Variants in RAB39A observed in about 807,000 individuals in gnomAD.
RAB39A encodes the protein ras-related protein Rab-39A.
A neutral mutation model predicts 20.9 loss-of-function variants in RAB39A; 17 were observed. The ratio of observed to expected loss-of-function variants is 0.81; its 90% CI spans 0.56 to 1.22. The LOEUF is 1.22. Among genes scored for constraint, RAB39A ranks in the 50% most tolerant of loss-of-function variants. The pLI, the probability that RAB39A is intolerant of heterozygous loss-of-function variation, is 0.00. For missense variants in RAB39A, 234 were observed against 270.5 expected (o/e 0.87, Z 0.95); for synonymous variants, 99 against 103.4 (o/e 0.96, Z 0.26).
intron 1 of RAB39A, among the ~76,000 whole-genome samples, chr11:107,929,543 T>A (rs1861116246): frequency 6.6e-6 from 1 of 152,068 alleles, no homozygotes; most frequent in Non-Finnish European, 1.5e-5. Context: ...AAGTTTGTCA[T>A]GTTTGGTGGG....
At chr11:107,943,544 C>T (rs1861280482) in intron 1 of RAB39A, among the ~76,000 whole-genome samples, 1 of 145,214 alleles carries the variant, frequency 6.9e-6, no homozygotes, top group Admixed American at 7.1e-5. Flanking sequence ...GCACTCCAGC[C>T]TGGGTGACAG....
chr11:107,938,475 A>G (rs1861222469), intron 1 of RAB39A, among the ~76,000 whole-genome samples: 1 of 150,754 alleles, frequency 6.6e-6, no homozygotes, highest in Admixed American at 6.7e-5. Flanking sequence ...CATGCCTGTA[A>G]TCCCAACACT....
In RAB39A at chr11:107,928,463, C is replaced by A; in HGVS notation, c.-106C>A. ...CGGCGGCCGCAGCCGCAGGAATATGCTGGAAGGCGGCGGGCGGGCGCCCGC... is the reference window on the plus strand; with the variant it reads ...CGGCGGCCGCAGCCGCAGGAATATGATGGAAGGCGGCGGGCGGGCGCCCGC... On this transcript the variant is annotated 5_prime_UTR_variant, in exon 1 of 2. In the 5' UTR this introduces an upstream ATG that the reference lacks. Coordinates refer to ENST00000320578, the MANE Select transcript of RAB39A (RefSeq NM_017516.3). The surrounding 1 kb of genome is among the most constrained non-coding windows in gnomAD (Gnocchi z 4.9). 2.4e-6 allele frequency: 2 copies of A among 832,530 alleles called. No homozygotes were observed. Among genetic ancestry groups the A allele is most frequent in the Non-Finnish European group, 3.3e-6 (2 of 598,214 alleles). The allele number at this position is 832,530 out of a possible 1,614,324, so 51.6% of individuals were successfully genotyped here.
chr11:107,936,557 T>C (rs1346633357), intron 1 of RAB39A, among the ~76,000 whole-genome samples: 1 of 152,240 alleles, frequency 6.6e-6, no homozygotes, highest in Non-Finnish European at 1.5e-5. Flanking sequence ...ATATTAACAT[T>C]TTAAATTTCT....
Position 107,935,566 on chromosome 11 carries a change from A to C in RAB39A, c.227+6771A>C, listed in dbSNP as rs113561755. ...ATTTTTTGTATTTTCAGTAGGGACA[A>C]GGTTTCACTTTGTTAGCCAGGCTTG... is the stretch of plus-strand genomic sequence containing the variant. On this transcript the variant is annotated intron_variant, in intron 1 of 1. Coordinates refer to ENST00000320578, the MANE Select transcript of RAB39A (RefSeq NM_017516.3). Among the ~76,000 whole-genome samples the C allele has an allele frequency of 5.7e-3, 871 of 151,944 alleles. 3 individuals are homozygous for C. Among genetic ancestry groups the C allele is most frequent in the African/African-American group, 0.019 (784 of 41,432 alleles).
chr11:107,929,527 CTT>C (rs945373103), intron 1 of RAB39A, among the ~76,000 whole-genome samples: 1 of 151,838 alleles, frequency 6.6e-6, no homozygotes, highest in Non-Finnish European at 1.5e-5. Context: ...GTTGAGTTGT[CTT>C]TAGAAGTTTG....
intron 1 of RAB39A, among the ~76,000 whole-genome samples, chr11:107,957,085 A>T (rs1195392035): frequency 6.6e-6 from 1 of 152,208 alleles, no homozygotes; most frequent in African/African-American, 2.4e-5. Context: ...ATTTCTGATG[A>T]AAAGGAAATG....
At chr11:107,940,895 C>T (rs1373184795) in intron 1 of RAB39A, among the ~76,000 whole-genome samples, 1 of 151,918 alleles carries the variant, frequency 6.6e-6, no homozygotes, top group African/African-American at 2.4e-5. Context: ...ATCACTTGAA[C>T]CCGGGAGACA....
intron 1 of RAB39A, among the ~76,000 whole-genome samples, chr11:107,961,383 C>T (rs1861493907): frequency 6.6e-6 from 1 of 152,098 alleles, no homozygotes; most frequent in East Asian, 1.9e-4. Context: ...GGGTTCCACC[C>T]TCATGACCTA....
At chr11:107,951,617 T>G (rs1349539601) in intron 1 of RAB39A, among the ~76,000 whole-genome samples, 2 of 143,090 alleles carry the variant, frequency 1.4e-5, no homozygotes, top group Non-Finnish European at 3.1e-5. Context: ...ATTTTCAGAT[T>G]TTTTTTTTTT....
intron 1 of RAB39A, among the ~76,000 whole-genome samples, chr11:107,945,284 G>T (rs1042456170): frequency 4.6e-5 from 6 of 129,312 alleles, no homozygotes; most frequent in Non-Finnish European, 9.2e-5. Flanking sequence ...TGAGTTCAAG[G>T]CCAGCCTGGC....
At chr11:107,945,262 C>T (rs775322229) in intron 1 of RAB39A, among the ~76,000 whole-genome samples, 1 of 137,794 alleles carries the variant, frequency 7.3e-6, no homozygotes, top group Non-Finnish European at 1.5e-5. Flanking sequence ...GTCAGCAGAT[C>T]GCCTGAGCTC....
At chr11:107,943,166 G>A (rs940168913) in intron 1 of RAB39A, among the ~76,000 whole-genome samples, 7 of 152,142 alleles carry the variant, frequency 4.6e-5, no homozygotes, top group Non-Finnish European at 8.8e-5. Context: ...GTTGGGTATT[G>A]GGCAAAGCTG....
chr11:107,950,105 A>C (rs1043941487), intron 1 of RAB39A, among the ~76,000 whole-genome samples: 13 of 151,834 alleles, frequency 8.6e-5, no homozygotes, highest in Admixed American at 6.6e-4. Flanking sequence ...GCATGAACCC[A>C]GGAGGCGGAA....
chr11:107,933,507 G>A (rs188635786), intron 1 of RAB39A, among the ~76,000 whole-genome samples: 315 of 149,300 alleles, frequency 2.1e-3, no homozygotes, highest in African/African-American at 7.5e-3. Flanking sequence ...AGCCTCCCGA[G>A]TAGCTAGGAC....
At chr11:107,948,531 C>T (rs1386445085) in intron 1 of RAB39A, among the ~76,000 whole-genome samples, 1 of 151,842 alleles carries the variant, frequency 6.6e-6, no homozygotes, top group Non-Finnish European at 1.5e-5. Context: ...CTCAGTCTGT[C>T]GCCCATCCCC....
intron 1 of RAB39A, among the ~76,000 whole-genome samples, chr11:107,938,807 T>C (rs930720584): frequency 6.6e-6 from 1 of 151,998 alleles, no homozygotes; most frequent in African/African-American, 2.4e-5. Context: ...GAACATTTTG[T>C]GTGGTTGTAT....
intron 1 of RAB39A, among the ~76,000 whole-genome samples, chr11:107,944,209 C>G (rs1324593718): frequency 6.6e-6 from 1 of 152,010 alleles, no homozygotes; most frequent in East Asian, 1.9e-4. Flanking sequence ...TCTTAGCAAG[C>G]AGGAAGGAAA....
intron 1 of RAB39A, among the ~76,000 whole-genome samples, chr11:107,943,399 G>T (rs1861279115): frequency 6.6e-6 from 1 of 151,892 alleles, no homozygotes; most frequent in Admixed American, 6.6e-5. Context: ...GTGAAACCCT[G>T]ACTCTACTAA....
Sources: gnomAD v4.1 joint callset for allele counts (sites outside exome capture counted in the v4.1 genomes callset) on GRCh38, gnomAD v4.1.1 for gene constraint, Gnocchi (gnomAD v3.1) non-coding constraint, MANE v1.5 for transcripts, NCBI Gene and HGNC (gene_info 2026-07-23, HGNC 2026-07-21) for gene names.